The following ACACA variants were observed in gnomAD, a reference collection of about 807,000 sequenced individuals.
ACACA encodes acetyl-CoA carboxylase 1.
In ACACA, 103 loss-of-function variants were observed where a neutral mutation model predicts 296.1. The ratio of observed to expected loss-of-function variants is 0.35; its 90% CI spans 0.30 to 0.41. ACACA has a LOEUF of 0.41. ACACA is among the 10% of genes least tolerant of loss of function. The pLI, the probability that ACACA is intolerant of heterozygous loss-of-function variation, is 1.00. For missense variants in ACACA, 1,554 were observed against 2,989.7 expected, an observed-to-expected ratio of 0.52 and a Z score of 11.20; for synonymous variants, 953 against 1,038.6, an observed-to-expected ratio of 0.92 and a Z score of 1.58.
At chr17:37,244,955 T>G (rs577975030) in intron 20 of ACACA, 125 bp downstream of exon 20, 25 of 1,450,030 alleles carry the variant, frequency 1.7e-5, no homozygotes, top group Non-Finnish European at 1.9e-5. Flanking sequence ...ATACAAGGCA[T>G]AAGATTAATA....
chr17:37,093,425 A>AT (rs1050851261), intron 54 of ACACA, among the ~76,000 whole-genome samples: 11 of 150,260 alleles, frequency 7.3e-5, no homozygotes, highest in Non-Finnish European at 3.0e-5. Context: ...TGTTGCTATT[A>AT]TTTTTTTACC....
At chr17:37,395,254 C>T (rs551242923) in intron 1 of ACACA, among the ~76,000 whole-genome samples, 149 of 151,966 alleles carry the variant, frequency 9.8e-4, no homozygotes, top group Non-Finnish European at 1.6e-3. Context: ...CATGGTGAAA[C>T]ACCATCTTTA....
At chr17:37,343,807 T>C (rs1451104976) in intron 1 of ACACA, among the ~76,000 whole-genome samples, 4 of 152,016 alleles carry the variant, frequency 2.6e-5, no homozygotes, top group African/African-American at 9.7e-5. Context: ...TAAGTGAATT[T>C]GCCTTGTTCA....
At chr17:37,229,505 G>T (rs533329155) in intron 25 of ACACA, among the ~76,000 whole-genome samples, 2 of 151,710 alleles carry the variant, frequency 1.3e-5, no homozygotes, top group East Asian at 4.1e-4. Context: ...GGGTTTCACC[G>T]TGTTAACCAG....
intron 1 of ACACA, among the ~76,000 whole-genome samples, chr17:37,359,877 G>A (rs892114442): frequency 2.0e-5 from 3 of 152,008 alleles, no homozygotes; most frequent in African/African-American, 4.8e-5. Flanking sequence ...CTGGATCCTG[G>A]CGTGTTGAGG....
At chr17:37,362,321 C>G (rs1457626433) in intron 1 of ACACA, among the ~76,000 whole-genome samples, 1 of 152,146 alleles carries the variant, frequency 6.6e-6, no homozygotes, top group Non-Finnish European at 1.5e-5. Context: ...GTATTAGGGA[C>G]TCATCCTGAG....
chr17:37,094,726 C>T lies in ACACA; in HGVS notation c.6891+2270G>A, dbSNP rs191451817. 1.3e-3 allele frequency among the ~76,000 whole-genome samples: 191 copies of T among 152,290 alleles called. 1 individual carries two copies. The highest frequency in any genetic ancestry group is 4.5e-3 in the African/African-American group (186 of 41,566). On this transcript the variant is annotated intron_variant, in intron 54 of 55. Coordinates refer to ENST00000616317, the MANE Select transcript of ACACA (RefSeq NM_198834.3). ...CTAAACTAGGTCCTGCTGAGCCTGCCGAATATGGAAGGAGGTTTCAAAGCC... is the reference window on the plus strand; with the variant it reads ...CTAAACTAGGTCCTGCTGAGCCTGCTGAATATGGAAGGAGGTTTCAAAGCC...
At chr17:37,152,515 A>G (rs932022564) in intron 43 of ACACA, among the ~76,000 whole-genome samples, 9 of 152,162 alleles carry the variant, frequency 5.9e-5, no homozygotes, top group Admixed American at 6.5e-5. Context: ...AAGTATATAC[A>G]CAAGGGTCCC....
intron 39 of ACACA, among the ~76,000 whole-genome samples, chr17:37,187,072 T>C (rs1467822807): frequency 6.6e-6 from 1 of 152,158 alleles, no homozygotes; most frequent in Non-Finnish European, 1.5e-5. Flanking sequence ...GTCTTTAAAG[T>C]TGCACTAAAA....
At chr17:37,355,389 C>G (rs1480042631) in intron 1 of ACACA, among the ~76,000 whole-genome samples, 7 of 151,022 alleles carry the variant, frequency 4.6e-5, no homozygotes, top group African/African-American at 1.7e-4. Flanking sequence ...ATCCCCGTCT[C>G]TACTAAAAAT....
At chr17:37,317,071 G>GAA (rs755136838) in intron 3 of ACACA, among the ~76,000 whole-genome samples, 3 of 92,006 alleles carry the variant, frequency 3.3e-5, no homozygotes, top group African/African-American at 4.0e-5. Context: ...CCCTGTCACA[G>GAA]AAAAAAAAAA....
At chr17:37,255,797 A>G (rs1297265312) in intron 14 of ACACA, among the ~76,000 whole-genome samples, 1 of 152,056 alleles carries the variant, frequency 6.6e-6, no homozygotes, top group African/African-American at 2.4e-5. Context: ...CCCAGGCTGG[A>G]GTGCAATGGC....
At chr17:37,303,426 G>A (rs2083724166) in intron 3 of ACACA, among the ~76,000 whole-genome samples, 1 of 152,062 alleles carries the variant, frequency 6.6e-6, no homozygotes. Context: ...TCCATTTTGT[G>A]GCTCTTATTA....
chr17:37,201,751 T>C (rs1489117368), intron 33 of ACACA, among the ~76,000 whole-genome samples: 1 of 152,176 alleles, frequency 6.6e-6, no homozygotes, highest in Non-Finnish European at 1.5e-5. Flanking sequence ...TTTCTTGCTA[T>C]AACTCCAACC....
intron 25 of ACACA, 74 bp downstream of exon 25, chr17:37,234,901 T>C (rs2080034712): frequency 5.2e-6 from 8 of 1,546,702 alleles, no homozygotes; most frequent in African/African-American, 1.4e-5. Flanking sequence ...TCTCTGGCCA[T>C]AGCCATCAAA....
At chr17:37,299,181 A>G in intron 3 of ACACA, 1 of 1,259,066 alleles carries the variant, frequency 7.9e-7, no homozygotes, top group Non-Finnish European at 1.1e-6. Flanking sequence ...TTAAAGATAG[A>G]AAAAAAATGA....
chr17:37,274,656 A>G (rs1425238189), intron 8 of ACACA: 10 of 985,324 alleles, frequency 1.0e-5, no homozygotes, highest in Middle Eastern at 1.0e-3. Context: ...CTCCAGGGCC[A>G]AGAGGTCTGG....
At chr17:37,384,774 C>T (rs925677347) in intron 1 of ACACA, among the ~76,000 whole-genome samples, 2 of 152,268 alleles carry the variant, frequency 1.3e-5, no homozygotes, top group Middle Eastern at 3.4e-3. Flanking sequence ...AAACTGGAAT[C>T]GGGGATCACC....
intron 11 of ACACA, among the ~76,000 whole-genome samples, chr17:37,260,687 T>A (rs539694426): frequency 1.8e-4 from 28 of 152,040 alleles, no homozygotes; most frequent in African/African-American, 6.0e-4. Context: ...GTCATGATAG[T>A]ATAAGCCAAC....
Sources: allele counts gnomAD v4.1 joint callset (sites outside exome capture counted in the v4.1 genomes callset), GRCh38; gene constraint gnomAD v4.1.1; transcripts MANE v1.5; gene names NCBI Gene and HGNC (gene_info 2026-07-23, HGNC 2026-07-21).